The following NFE2L3 variants were observed in gnomAD, a reference collection of about 807,000 sequenced individuals.
NFE2L3 encodes the protein NFE2 like bZIP transcription factor 3.
NFE2L3 carries 18 observed loss-of-function variants against 23.5 expected under a neutral mutation model. The observed-to-expected ratio is 0.77, with a 90% CI of 0.53 to 1.13. The LOEUF (loss-of-function observed/expected upper bound fraction) is 1.13, where lower values mean the gene tolerates loss of function less well. Among genes scored for constraint, NFE2L3 ranks in the 50% most tolerant of loss-of-function variants. NFE2L3 has a pLI of 0.00. For synonymous variants in NFE2L3, 424 were observed against 354.5 expected, an observed-to-expected ratio of 1.20 and a Z score of -2.20; for missense variants, 1,152 against 877.2, an observed-to-expected ratio of 1.31 and a Z score of -3.96.
In NFE2L3 at chr7:26,184,513, G is replaced by A; in HGVS notation, c.835-20G>A. On this transcript the variant is annotated intron_variant, in intron 3 of 3. Coordinates refer to ENST00000056233, the MANE Select transcript of NFE2L3 (RefSeq NM_004289.7). ...AAATAGGGCTATTCATGTTTGAAGT[G>A]TTTCTCCTTCGTTTTTCAGGGCATC... 1 of 1,590,264 alleles carries A rather than the reference G, an allele frequency of 6.3e-7. No individual in the cohort carries two copies. Among genetic ancestry groups the A allele is most frequent in the Admixed American group, 1.7e-5 (1 of 57,582 alleles).
chr7:26,156,902 A>T (rs778087594), intron 1 of NFE2L3, among the ~76,000 whole-genome samples: 31 of 151,960 alleles, frequency 2.0e-4, no homozygotes, highest in Non-Finnish European at 3.2e-4. Context: ...TACGAGATCA[A>T]GACATCGAGA....
intron 1 of NFE2L3, among the ~76,000 whole-genome samples, chr7:26,169,276 G>A (rs780416293): frequency 2.6e-5 from 4 of 152,196 alleles, no homozygotes; most frequent in African/African-American, 4.8e-5. Flanking sequence ...TGTGAAGGAG[G>A]TTTATTAGGG....
At chr7:26,157,005 G>C (rs986262727) in intron 1 of NFE2L3, among the ~76,000 whole-genome samples, 1 of 152,076 alleles carries the variant, frequency 6.6e-6, no homozygotes, top group Non-Finnish European at 1.5e-5. Flanking sequence ...CCAGCTACTC[G>C]GGAGCCTGAG....
chr7:26,183,474 G>C (rs1007249722), intron 2 of NFE2L3, among the ~76,000 whole-genome samples: 1 of 144,076 alleles, frequency 6.9e-6, no homozygotes, highest in Non-Finnish European at 1.6e-5. Context: ...TTTGAACCTG[G>C]GAGGCAGAGG....
rs1782486974 is a variant in NFE2L3, at chr7:26,186,332, A to C, written c.*549A>C. On this transcript the variant is annotated 3_prime_UTR_variant, in exon 4 of 4. Transcript: ENST00000056233. ...TTTATACAGAATCTGAACCAAATTT[A>C]CCTTACTTTCCTTCCAAAATATCCA... 6.6e-6 allele frequency: 1 copy of C among 152,204 alleles called. No individual in the cohort carries two copies. Among genetic ancestry groups the C allele is most frequent in the Non-Finnish European group, 1.5e-5 (1 of 68,050 alleles). The allele number at this position is 152,204 out of a possible 1,614,324, so 9.4% of individuals were successfully genotyped here.
rs1275249661 is a variant in NFE2L3, at chr7:26,185,493, A to G, written c.1795A>G (p.Lys599Glu). The G allele has an allele frequency of 6.2e-7, 1 of 1,613,892 alleles. No individual in the cohort carries two copies. Among genetic ancestry groups the G allele is most frequent in the East Asian group, 2.2e-5 (1 of 44,904 alleles). Residue 599 changes from lysine (K) to glutamate (E), a missense_variant, in exon 4 of 4, where the codon AAA becomes GAA. Physicochemically the swap from Lys to Glu is moderately conservative, Grantham distance 56 (BLOSUM62 1). Transcript: ENST00000056233. ...TGCTGCGCAGAACTGTCGTAAACGC[A>G]AATTGGACATAATTTTGAATTTAGA... The part of the protein sequence containing the change: ...KVAAQNCRKR[K>E]LDIILNLEDD...
intron 3 of NFE2L3, 116 bp from the exon 4 acceptor site, chr7:26,184,417 T>C (rs1782426794): frequency 1.1e-6 from 1 of 897,434 alleles, no homozygotes; most frequent in Non-Finnish European, 1.7e-6. Flanking sequence ...CAACAGCATC[T>C]ATCTCTATTA....
rs571419845 is a variant in NFE2L3 at position 26,152,884 on chromosome 7, GCGC to G, written c.397_399del (p.Ala133del). 16 of 1,456,002 alleles carry G rather than the reference GCGC, an allele frequency of 1.1e-5. No homozygotes were observed. Among genetic ancestry groups the G allele is most frequent in the Admixed American group, 1.1e-4 (4 of 36,996 alleles). The allele number at this position is 1,456,002 out of a possible 1,614,324, so 90.2% of individuals were successfully genotyped here. ...GCGGACGAGGCCCACGGGCTGCTCG[GCGC>G]CGCCGCCGCCTCGTCCACCGGAGGA... On this transcript the variant is annotated inframe_deletion, in exon 1 of 4. Coordinates refer to ENST00000056233, the MANE Select transcript of NFE2L3 (RefSeq NM_004289.7). The surrounding 1 kb of genome is among the most constrained non-coding windows in gnomAD (Gnocchi z 4.4).
chr7:26,154,267 C>T (rs920072963), intron 1 of NFE2L3, among the ~76,000 whole-genome samples: 3 of 152,202 alleles, frequency 2.0e-5, no homozygotes, highest in Admixed American at 1.3e-4. Flanking sequence ...TTCTTCCCCA[C>T]TCACTCATCC....
intron 1 of NFE2L3, chr7:26,173,515 T>G (rs1784356137): frequency 6.6e-6 from 1 of 152,246 alleles, no homozygotes; most frequent in Non-Finnish European, 1.5e-5. Flanking sequence ...AGCAAGTTTT[T>G]AAACAAAGTT....
intron 1 of NFE2L3, among the ~76,000 whole-genome samples, chr7:26,169,489 G>C (rs888742978): frequency 6.6e-6 from 1 of 152,194 alleles, no homozygotes; most frequent in African/African-American, 2.4e-5. Flanking sequence ...TGTGACCTTA[G>C]GGGAGGCGAC....
chr7:26,184,314 ATCTTAATT>A (rs1782418433), intron 3 of NFE2L3: 1 of 516,842 alleles, frequency 1.9e-6, no homozygotes, highest in Non-Finnish European at 3.4e-6. Context: ...ATACTAATCC[ATCTTAATT>A]TCTAGGTTAC....
intron 1 of NFE2L3, among the ~76,000 whole-genome samples, chr7:26,158,749 C>T (rs1784124847): frequency 6.6e-6 from 1 of 152,216 alleles, no homozygotes; most frequent in African/African-American, 2.4e-5. Context: ...GGCCCAAGCC[C>T]TGACTTGAGG....
chr7:26,155,663 A>T (rs374726424), intron 1 of NFE2L3, among the ~76,000 whole-genome samples: 1 of 152,258 alleles, frequency 6.6e-6, no homozygotes. Context: ...GCCCAGGCTA[A>T]TCACTCTCCA....
At chr7:26,162,582 A>G (rs1188540315) in intron 1 of NFE2L3, among the ~76,000 whole-genome samples, 1 of 151,964 alleles carries the variant, frequency 6.6e-6, no homozygotes, top group Non-Finnish European at 1.5e-5. Context: ...CATAAATGAT[A>G]CTCTTTACTG....
intron 1 of NFE2L3, among the ~76,000 whole-genome samples, chr7:26,175,215 C>G (rs1340470613): frequency 6.9e-6 from 1 of 144,684 alleles, no homozygotes; most frequent in Non-Finnish European, 1.5e-5. Context: ...AAAAAAATAG[C>G]TGGGCGTGGT....
Position 26,187,099 on chromosome 7 carries a change from TATA to T in NFE2L3, c.*1321_*1323del, listed in dbSNP as rs753508217. 9 of 152,228 alleles carry T rather than the reference TATA, an allele frequency of 5.9e-5. No homozygotes were observed. The highest frequency in any genetic ancestry group is 1.3e-4 in the Non-Finnish European group (9 of 68,042). 9.4% of individuals were successfully genotyped at this position (152,228 alleles called of 1,614,324 possible). A position where few individuals can be genotyped will look rare whatever the true frequency, so the allele number is the denominator to read the frequency against. Reference sequence around the variant, plus strand: ...CAGTTTATATATACCGTTGGATTTTTATAATAAAGTTTCCCAAGACCTGTTATT... The same window carrying T: ...CAGTTTATATATACCGTTGGATTTTTATAAAGTTTCCCAAGACCTGTTATT... On this transcript the variant is annotated 3_prime_UTR_variant, in exon 4 of 4. Transcript: ENST00000056233.
chr7:26,176,391 A>G (rs1474585847), intron 1 of NFE2L3, among the ~76,000 whole-genome samples: 1 of 152,200 alleles, frequency 6.6e-6, no homozygotes, highest in Non-Finnish European at 1.5e-5. Flanking sequence ...GCTGTTGGGT[A>G]CACCTGCAGA....
intron 1 of NFE2L3, among the ~76,000 whole-genome samples, chr7:26,160,837 CCAT>C (rs1332663408): frequency 6.6e-6 from 1 of 152,222 alleles, no homozygotes; most frequent in African/African-American, 2.4e-5. Context: ...TTAAAACTGA[CCAT>C]CACGCCATCC....
Sources: gnomAD v4.1 joint callset for allele counts (sites outside exome capture counted in the v4.1 genomes callset) on GRCh38, gnomAD v4.1.1 for gene constraint, Gnocchi (gnomAD v3.1) non-coding constraint, MANE v1.5 for transcripts, NCBI Gene and HGNC (gene_info 2026-07-23, HGNC 2026-07-21) for gene names.